The following EYS variants were observed in gnomAD, a reference collection of about 807,000 sequenced individuals.
EYS encodes protein eyes shut homolog.
A neutral mutation model predicts 282.1 loss-of-function variants in EYS; 250 were observed. That is an observed-to-expected ratio of 0.89 (90% CI 0.80 to 0.98). The LOEUF is 0.98. Among genes scored for constraint, EYS ranks in the 50% least tolerant of loss-of-function variants. The pLI is 0.00. For missense variants in EYS, 4,016 were observed against 3,709.0 expected (o/e 1.08, Z -2.15); for synonymous variants, 1,355 against 1,282.9 (o/e 1.06, Z -1.20).
chr6:65,448,845 C>T (rs944800587), intron 5 of EYS, among the ~76,000 whole-genome samples: 1 of 152,028 alleles, frequency 6.6e-6, no homozygotes, highest in Non-Finnish European at 1.5e-5. Context: ...CAAATAAACA[C>T]AGTTTATGTT....
chr6:64,897,159 G>A (rs550989813), intron 18 of EYS, among the ~76,000 whole-genome samples: 2 of 152,268 alleles, frequency 1.3e-5, no homozygotes, highest in South Asian at 4.1e-4. Flanking sequence ...TCCTGACTGG[G>A]AGACAACTCC....
chr6:64,908,939 A>G (rs147135329), intron 16 of EYS, among the ~76,000 whole-genome samples: 188 of 152,244 alleles, frequency 1.2e-3, no homozygotes, highest in Admixed American at 4.4e-3. Flanking sequence ...CCTGTCTGAG[A>G]ATTTAACTTA....
At chr6:65,019,083 G>A (rs68036109) in intron 13 of EYS, among the ~76,000 whole-genome samples, 41,353 of 151,894 alleles carry the variant, frequency 0.27, 7,139 homozygotes, top group African/African-American at 0.48. Context: ...GTATCAATCC[G>A]ATGATTTCAC....
chr6:64,207,426 A>C (rs1765643511), intron 31 of EYS, among the ~76,000 whole-genome samples: 1 of 152,130 alleles, frequency 6.6e-6, no homozygotes, highest in Non-Finnish European at 1.5e-5. Context: ...CTGTTATAGC[A>C]GCAGAAAACA....
chr6:64,561,021 C>A (rs1331694969), intron 26 of EYS, among the ~76,000 whole-genome samples: 1 of 152,112 alleles, frequency 6.6e-6, no homozygotes, highest in Non-Finnish European at 1.5e-5. Flanking sequence ...CCCTGGGATG[C>A]AAGGTTGGTT....
intron 26 of EYS, among the ~76,000 whole-genome samples, chr6:64,470,163 T>TC (rs969312266): frequency 6.6e-6 from 1 of 152,082 alleles, no homozygotes; most frequent in African/African-American, 2.4e-5. Context: ...GTGGTAGTGG[T>TC]CCCCCGGGCC....
At chr6:65,302,228 C>T in intron 11 of EYS, among the ~76,000 whole-genome samples, 1 of 152,136 alleles carries the variant, frequency 6.6e-6, no homozygotes, top group East Asian at 1.9e-4. Context: ...TGAATTGTGG[C>T]TGAGAGGTTT....
At chr6:65,224,224 G>T (rs1554168321) in intron 12 of EYS, among the ~76,000 whole-genome samples, 1 of 152,082 alleles carries the variant, frequency 6.6e-6, no homozygotes, top group Non-Finnish European at 1.5e-5. Flanking sequence ...TATCTTTAGG[G>T]ATCACAATGA....
chr6:63,831,310 C>T (rs555106029), intron 36 of EYS, among the ~76,000 whole-genome samples: 5 of 152,150 alleles, frequency 3.3e-5, no homozygotes, highest in East Asian at 3.9e-4. Flanking sequence ...GTGTGCTGTA[C>T]TCAGGAGACC....
At chr6:65,177,707 T>C (rs776284439) in intron 12 of EYS, among the ~76,000 whole-genome samples, 7 of 152,026 alleles carry the variant, frequency 4.6e-5, no homozygotes, top group Admixed American at 6.6e-5. Flanking sequence ...GAACAATTTT[T>C]TTTTCATGTT....
intron 26 of EYS, among the ~76,000 whole-genome samples, chr6:64,541,609 A>T (rs1456716038): frequency 6.6e-6 from 1 of 151,880 alleles, no homozygotes; most frequent in African/African-American, 2.4e-5. Flanking sequence ...ACTAAAGTAT[A>T]TTTTCCCTTC....
intron 8 of EYS, among the ~76,000 whole-genome samples, chr6:65,379,456 G>T (rs985550212): frequency 6.6e-6 from 1 of 151,958 alleles, no homozygotes; most frequent in Non-Finnish European, 1.5e-5. Flanking sequence ...AGGTGTTGGT[G>T]GAACATATAT....
chr6:65,385,801 G>A (rs564843109), intron 7 of EYS, among the ~76,000 whole-genome samples: 6 of 151,750 alleles, frequency 4.0e-5, no homozygotes, highest in African/African-American at 1.4e-4. Flanking sequence ...TGTACTTTAC[G>A]TCTCTCATTC....
chr6:63,806,960 G>C (rs908450610), intron 36 of EYS: 1 of 152,172 alleles, frequency 6.6e-6, no homozygotes, highest in Non-Finnish European at 1.5e-5. Flanking sequence ...TTGCTGAGAT[G>C]CTTCTTAAGT....
Position 64,218,623 on chromosome 6 carries a change from T to C in EYS, c.6424+11969A>G, listed in dbSNP as rs1343081221. Among the ~76,000 whole-genome samples the C allele has an allele frequency of 4.6e-5, 7 of 152,312 alleles. No individual in the cohort carries two copies. In the South Asian group the frequency reaches 8.3e-4, roughly 18 times the overall value. ...AGCTCAGCTCTTCGCCTACTGTCAG[T>C]AGTTACTGAATAAAATCTGTTTTCA... On this transcript the variant is annotated intron_variant, in intron 31 of 42. Transcript: ENST00000503581.
At chr6:64,418,172 G>A (rs1471478713) in intron 28 of EYS, among the ~76,000 whole-genome samples, 1 of 151,928 alleles carries the variant, frequency 6.6e-6, no homozygotes, top group Admixed American at 6.6e-5. Context: ...TCAAACAGAA[G>A]AGGCTATCCT....
intron 22 of EYS, among the ~76,000 whole-genome samples, chr6:64,742,166 C>T (rs1772396609): frequency 6.6e-6 from 1 of 151,906 alleles, no homozygotes; most frequent in African/African-American, 2.4e-5. Context: ...TATTAATTGG[C>T]TTAATTTTAA....
chr6:65,156,908 C>A (rs898368931), intron 12 of EYS, among the ~76,000 whole-genome samples: 3 of 150,884 alleles, frequency 2.0e-5, no homozygotes, highest in Non-Finnish European at 4.5e-5. Context: ...CATCCCAGTC[C>A]CTTAACTTAA....
At chr6:63,960,097 A>C (rs1333062922) in intron 35 of EYS, among the ~76,000 whole-genome samples, 1 of 152,148 alleles carries the variant, frequency 6.6e-6, no homozygotes, top group Non-Finnish European at 1.5e-5. Flanking sequence ...TGATGGATCT[A>C]GGAAAAGTTA....
Sources: allele counts gnomAD v4.1 joint callset (sites outside exome capture counted in the v4.1 genomes callset), GRCh38; gene constraint gnomAD v4.1.1; transcripts MANE v1.5; gene names NCBI Gene and HGNC (gene_info 2026-07-23, HGNC 2026-07-21).